FNIP2: variants seen among roughly 807,000 people sequenced by gnomAD.
The protein encoded by FNIP2 is folliculin interacting protein 2.
In FNIP2, 32 loss-of-function variants were observed where a neutral mutation model predicts 108.7. That is an observed-to-expected ratio of 0.29 (90% CI 0.22 to 0.40). FNIP2 has a LOEUF of 0.40. Among genes scored for constraint, FNIP2 ranks in the 10% least tolerant of loss-of-function variants. The probability of loss-of-function intolerance (pLI) is 1.00; values close to 1 mark genes in which losing one functional copy is unlikely to be tolerated. For synonymous variants in FNIP2, 480 were observed against 496.7 expected, an observed-to-expected ratio of 0.97 and a Z score of 0.45; for missense variants, 1,202 against 1,381.6, an observed-to-expected ratio of 0.87 and a Z score of 2.06.
chr4:158,830,627 G>A (rs1050833082), intron 3 of FNIP2, among the ~76,000 whole-genome samples: 25 of 152,168 alleles, frequency 1.6e-4, no homozygotes, highest in African/African-American at 5.3e-4. Flanking sequence ...GTGCGTCAGC[G>A]TATGTATGCT....
chr4:158,875,518 A>ATATATATATATATATATATG (rs1231782582), intron 14 of FNIP2, among the ~76,000 whole-genome samples: 1 of 67,922 alleles, frequency 1.5e-5, no homozygotes, highest in Non-Finnish European at 4.0e-5. Context: ...TGGCTGTGAT[A>ATATATATATATATATATATG]TATATATATA....
At chr4:158,858,181 A>AT (rs1164697733) in intron 8 of FNIP2, among the ~76,000 whole-genome samples, 2 of 152,210 alleles carry the variant, frequency 1.3e-5, no homozygotes, top group Admixed American at 6.5e-5. Context: ...TCCTTTCTAT[A>AT]TTTGGCAGAG....
chr4:158,881,245 C>T (rs528942413), intron 14 of FNIP2, among the ~76,000 whole-genome samples: 28 of 149,886 alleles, frequency 1.9e-4, no homozygotes, highest in Admixed American at 7.3e-4. Flanking sequence ...TCTCTTTCCA[C>T]GGTCTCCCTC....
chr4:158,884,002 G>A (rs1160363798), intron 14 of FNIP2, among the ~76,000 whole-genome samples: 1 of 127,626 alleles, frequency 7.8e-6, no homozygotes, highest in African/African-American at 3.1e-5. Flanking sequence ...GAGCAGTACT[G>A]TGTTCCTGCC....
chr4:158,803,530 A>G (rs1267505099), intron 1 of FNIP2, among the ~76,000 whole-genome samples: 4 of 152,302 alleles, frequency 2.6e-5, no homozygotes, highest in African/African-American at 9.6e-5. Flanking sequence ...TGCTTTTTCC[A>G]CTTACTGAAG....
At chr4:158,777,331 A>G (rs913530021) in intron 1 of FNIP2, among the ~76,000 whole-genome samples, 1 of 152,226 alleles carries the variant, frequency 6.6e-6, no homozygotes, top group Non-Finnish European at 1.5e-5. Context: ...AACAATATTG[A>G]TATTCTGAAC....
chr4:158,808,557 T>C (rs762838528), intron 1 of FNIP2: 5 of 152,188 alleles, frequency 3.3e-5, no homozygotes, highest in Non-Finnish European at 7.3e-5. Context: ...CTTGGAAACA[T>C]TGCTTACTTG....
chr4:158,853,173 G>A (rs1560802501), intron 8 of FNIP2, among the ~76,000 whole-genome samples: 3 of 152,038 alleles, frequency 2.0e-5, no homozygotes, highest in Non-Finnish European at 4.4e-5. Flanking sequence ...TGTGTTGTAA[G>A]CCTTTTCTGC....
chr4:158,903,290 C>G (rs1729517225), intron 16 of FNIP2, among the ~76,000 whole-genome samples: 1 of 152,118 alleles, frequency 6.6e-6, no homozygotes, highest in Non-Finnish European at 1.5e-5. Flanking sequence ...CTTCTACTTG[C>G]CCTCTGTGGG....
chr4:158,776,691 C>T (rs1560748025), intron 1 of FNIP2, among the ~76,000 whole-genome samples: 1 of 152,206 alleles, frequency 6.6e-6, no homozygotes. Context: ...GTGATAGTTA[C>T]AGCATGGCTG....
chr4:158,825,775 C>CA (rs1409613377), intron 1 of FNIP2, 141 bp from the exon 2 acceptor site: 150 of 1,009,552 alleles, frequency 1.5e-4, no homozygotes, highest in Middle Eastern at 6.8e-4. Context: ...ACTGGTGCCC[C>CA]AGTTCTGAGG....
intron 1 of FNIP2, among the ~76,000 whole-genome samples, chr4:158,790,806 T>G (rs904060207): frequency 6.6e-6 from 1 of 152,154 alleles, no homozygotes; most frequent in Non-Finnish European, 1.5e-5. Flanking sequence ...TTAGATGACT[T>G]AAGTGTCTAA....
intron 7 of FNIP2, among the ~76,000 whole-genome samples, chr4:158,840,182 G>A (rs1779044038): frequency 6.6e-6 from 1 of 152,156 alleles, no homozygotes; most frequent in Non-Finnish European, 1.5e-5. Context: ...ACCTGAGAAA[G>A]CGAGTGGAAG....
chr4:158,866,753 T>C (rs573077619), intron 12 of FNIP2, among the ~76,000 whole-genome samples: 30 of 151,926 alleles, frequency 2.0e-4, no homozygotes, highest in African/African-American at 6.8e-4. Context: ...TTTTTTGTAT[T>C]TTTGGCAGAG....
chr4:158,791,931 C>G (rs1427719283), intron 1 of FNIP2, among the ~76,000 whole-genome samples: 2 of 152,026 alleles, frequency 1.3e-5, no homozygotes, highest in Non-Finnish European at 2.9e-5. Context: ...ACAATGAGAT[C>G]CGGAGAGTGG....
chr4:158,891,499 G>A lies in FNIP2; in HGVS notation c.3003G>A (p.Thr1001=), dbSNP rs772566290. 3.6e-5 allele frequency: 58 copies of A among 1,609,092 alleles called. No homozygotes were observed. Among genetic ancestry groups the A allele is most frequent in the East Asian group, 2.2e-4 (10 of 44,772 alleles). The change falls in exon 15 of 17, where the codon ACG becomes ACA. Residue 1001 remains threonine (T), a synonymous_variant. Coordinates refer to ENST00000264433, the MANE Select transcript of FNIP2 (RefSeq NM_020840.3). ...IAEAVCIIAD[T]DKWSVQVATS... ...AAGCTGTCTGTATTATCGCAGACAC[G>A]GATAAATGGAGTGTGCAGGTAGCTA...
At chr4:158,902,063 A>C (rs1016820372) in intron 16 of FNIP2, among the ~76,000 whole-genome samples, 3 of 151,746 alleles carry the variant, frequency 2.0e-5, no homozygotes, top group East Asian at 3.9e-4. Context: ...TGGAGGAGAG[A>C]GCATTCTGGT....
chr4:158,852,656 A>G (rs966733160), intron 8 of FNIP2, among the ~76,000 whole-genome samples: 1 of 152,216 alleles, frequency 6.6e-6, no homozygotes. Flanking sequence ...GGATATGGGC[A>G]ATAAAATGTG....
At chr4:158,892,948 A>T (rs952067190) in intron 15 of FNIP2, among the ~76,000 whole-genome samples, 4 of 142,012 alleles carry the variant, frequency 2.8e-5, no homozygotes, top group African/African-American at 9.8e-5. Context: ...CCTCAAAAAG[A>T]GTCTAGACTT....
Sources: allele counts gnomAD v4.1 joint callset (sites outside exome capture counted in the v4.1 genomes callset), GRCh38; gene constraint gnomAD v4.1.1; transcripts MANE v1.5; gene names NCBI Gene and HGNC (gene_info 2026-07-23, HGNC 2026-07-21).